AHDC1: variants seen among roughly 807,000 people sequenced by gnomAD.
AHDC1 encodes the protein AT-hook DNA binding motif containing 1, also known as transcription factor Gibbin.
Under a neutral mutation model 87.9 loss-of-function variants are expected in AHDC1, and 7 were observed. That is an observed-to-expected ratio of 0.08 (90% confidence interval 0.05 to 0.15). The LOEUF (loss-of-function observed/expected upper bound fraction) is 0.15. Among genes scored for constraint, AHDC1 ranks in the 10% least tolerant of loss-of-function variants. AHDC1 has a pLI of 1.00. For missense variants in AHDC1, 1,841 were observed against 2,253.2 expected (o/e 0.82, Z 3.70); for synonymous variants, 1,051 against 1,006.8 (o/e 1.04, Z -0.83).
intron 3 of AHDC1, among the ~76,000 whole-genome samples, chr1:27,577,177 G>A (rs1046592733): frequency 1.3e-5 from 2 of 152,184 alleles, no homozygotes; most frequent in Non-Finnish European, 1.5e-5. Context: ...GAAGGGATGG[G>A]AGGACACAGT....
intron 8 of AHDC1, among the ~76,000 whole-genome samples, chr1:27,538,828 A>G (rs554296304): frequency 2.8e-4 from 43 of 152,128 alleles, no homozygotes; most frequent in African/African-American, 8.7e-4. Flanking sequence ...TTTCTATTCT[A>G]TAAAATAAGG....
chr1:27,576,365 G>A (rs763432327), intron 3 of AHDC1, among the ~76,000 whole-genome samples: 28 of 152,176 alleles, frequency 1.8e-4, no homozygotes, highest in Non-Finnish European at 1.6e-4. Context: ...CAGGGAAAGC[G>A]TCCGGACATC....
chr1:27,550,759 G>A lies in AHDC1; in HGVS notation c.1357C>T (p.Pro453Ser). Residue 453 changes from proline (P) to serine (S), a missense_variant, in exon 8 of 9, where the codon CCG (proline) becomes TCG (serine). Pro to Ser is a moderately conservative substitution (Grantham distance 74). Coordinates refer to ENST00000673934, the MANE Select transcript of AHDC1 (RefSeq NM_001371928.1). ...PGPVSVPELK[P>S]ESSQTPVVST... is the part of the protein sequence containing the mutation. Reference sequence around the variant, plus strand: ...ACCACTGGGGTCTGGGAAGATTCCGGCTTCAACTCTGGGACTGAGACCGGG... The same window carrying A: ...ACCACTGGGGTCTGGGAAGATTCCGACTTCAACTCTGGGACTGAGACCGGG... 6.3e-7 allele frequency: 1 copy of A among 1,576,766 alleles called. No homozygotes were observed. Among genetic ancestry groups the A allele is most frequent in the Non-Finnish European group, 8.6e-7 (1 of 1,161,876 alleles).
chr1:27,563,563 ACCAGCCTGGGTGGTG>A lies in AHDC1; in HGVS notation c.-628-4695_-628-4681del, dbSNP rs2020193875. ...ACCTCACCCCTCCCCCATCACTGTC[ACCAGCCTGGGTGGTG>A]CCGTCCCTCTGCCTGCAGAGGCGTC... is the stretch of plus-strand genomic sequence containing the variant. On this transcript the variant is annotated intron_variant, in intron 3 of 8. Transcript: ENST00000673934. This position sits in a 1 kb window ranked among gnomAD's most constrained non-coding sequence, Gnocchi z 6.1. Among the ~76,000 whole-genome samples, 1 of 151,888 alleles carries A rather than the reference ACCAGCCTGGGTGGTG, an allele frequency of 6.6e-6. No homozygotes were observed. The highest frequency in any genetic ancestry group is 6.6e-5 in the Admixed American group (1 of 15,262).
chr1:27,542,933 AG>A (rs1430142277), intron 8 of AHDC1, among the ~76,000 whole-genome samples: 1 of 152,234 alleles, frequency 6.6e-6, no homozygotes, highest in Non-Finnish European at 1.5e-5. Flanking sequence ...TGTGCCCAGA[AG>A]AGTCAGGGCA....
At position 27,550,155 on chromosome 1, in the gene AHDC1, C is replaced by T. The variant is rs1465960611; in HGVS notation, c.1961G>A (p.Ser654Asn). The T allele has an allele frequency of 6.2e-7, 1 of 1,611,180 alleles. No homozygotes were observed. The highest frequency in any genetic ancestry group is 1.7e-5 in the Admixed American group (1 of 60,016). ...CACACGATGCAGGAAGTGGGAGATG[C>T]TCTGGGTGTCGGGGGCCTGGTGCAC... ...ESVHQAPDTQ[S>N]ISHFLHRVQG... The change falls in exon 8 of 9, where the codon AGC (serine) becomes AAC (asparagine). Residue 654 changes from serine to asparagine, a missense_variant. Physicochemically the swap from Ser to Asn is conservative, Grantham distance 46. Coordinates refer to ENST00000673934, the MANE Select transcript of AHDC1 (RefSeq NM_001371928.1).
In AHDC1 at chr1:27,590,904, T is replaced by C. The variant is rs2089203924; in HGVS notation, c.-629+12493A>G. On this transcript the variant is annotated intron_variant, in intron 3 of 8. Coordinates refer to ENST00000673934, the MANE Select transcript of AHDC1 (RefSeq NM_001371928.1). The surrounding 1 kb of genome is among the most constrained non-coding windows in gnomAD (Gnocchi z 5.4). ...GTGGGCTCCCTCAACCCCCAGCACC[T>C]TGGATGAGCAGTTGGAGAGCAGGTT... 6.6e-6 allele frequency among the ~76,000 whole-genome samples: 1 copy of C among 152,144 alleles called. No individual in the cohort carries two copies. Among genetic ancestry groups the C allele is most frequent in the Non-Finnish European group, 1.5e-5 (1 of 68,002 alleles).
At chr1:27,584,560 C>G (rs2088993666) in intron 3 of AHDC1, among the ~76,000 whole-genome samples, 1 of 152,152 alleles carries the variant, frequency 6.6e-6, no homozygotes, top group Non-Finnish European at 1.5e-5. Context: ...TTGACCACAC[C>G]TATCAGCCTT....
chr1:27,590,912 G>T lies in AHDC1; in HGVS notation c.-629+12485C>A, dbSNP rs1437916805. On this transcript the variant is annotated intron_variant, in intron 3 of 8. Transcript: ENST00000673934. This position sits in a 1 kb window ranked among gnomAD's most constrained non-coding sequence, Gnocchi z 5.4. ...CCTCAACCCCCAGCACCTTGGATGA[G>T]CAGTTGGAGAGCAGGTTTGCTAAGA... Among the ~76,000 whole-genome samples, 1 of 152,198 alleles carries T rather than the reference G, an allele frequency of 6.6e-6. No individual in the cohort carries two copies. Among genetic ancestry groups the T allele is most frequent in the African/African-American group, 2.4e-5 (1 of 41,446 alleles).
chr1:27,575,737 C>T (rs1271501575), intron 3 of AHDC1, among the ~76,000 whole-genome samples: 1 of 151,778 alleles, frequency 6.6e-6, no homozygotes, highest in Non-Finnish European at 1.5e-5. Context: ...GGGGCCAAGC[C>T]GGCCGCCCCT....
intron 5 of AHDC1, among the ~76,000 whole-genome samples, chr1:27,557,605 A>C (rs1257217204): frequency 6.6e-6 from 1 of 152,196 alleles, no homozygotes; most frequent in African/African-American, 2.4e-5. Context: ...CTGTGCACCC[A>C]GAACCCTGAG....
intron 3 of AHDC1, among the ~76,000 whole-genome samples, chr1:27,601,710 C>G (rs1349545094): frequency 6.6e-6 from 1 of 152,192 alleles, no homozygotes; most frequent in African/African-American, 2.4e-5. Flanking sequence ...GCCTTCCTAC[C>G]CCCCCACCCC....
At chr1:27,591,485 T>G (rs2089220879) in intron 3 of AHDC1, among the ~76,000 whole-genome samples, 1 of 152,160 alleles carries the variant, frequency 6.6e-6, no homozygotes, top group Non-Finnish European at 1.5e-5. Context: ...CTCACCCCCC[T>G]TAGCATTAGG....
intron 3 of AHDC1, among the ~76,000 whole-genome samples, chr1:27,600,484 T>C (rs1161646759): frequency 6.7e-6 from 1 of 148,204 alleles, no homozygotes; most frequent in Non-Finnish European, 1.5e-5. Flanking sequence ...ACAAAAAAAA[T>C]TGAAATTGAC....
intron 8 of AHDC1, among the ~76,000 whole-genome samples, chr1:27,535,183 G>C (rs1464806288): frequency 6.6e-6 from 1 of 152,170 alleles, no homozygotes; most frequent in Non-Finnish European, 1.5e-5. Flanking sequence ...CCAGGCAGTG[G>C]AATTTGTTAA....
Position 27,562,662 on chromosome 1 carries a change from C to G in AHDC1, c.-628-3779G>C, listed in dbSNP as rs990634826. Among the ~76,000 whole-genome samples, 1 of 152,182 alleles carries G rather than the reference C, an allele frequency of 6.6e-6. No individual in the cohort carries two copies. The highest frequency in any genetic ancestry group is 1.5e-5 in the Non-Finnish European group (1 of 68,034). ...TGAGCACCCCCCAGCTCCCACTTGT[C>G]CCTCTGCTCAGGGCCCTAAGCATTT... On this transcript the variant is annotated intron_variant, in intron 3 of 8. Transcript: ENST00000673934. The surrounding 1 kb of genome is among the most constrained non-coding windows in gnomAD (Gnocchi z 4.4).
chr1:27,594,762 G>A (rs954817490), intron 3 of AHDC1, among the ~76,000 whole-genome samples: 3 of 152,168 alleles, frequency 2.0e-5, no homozygotes, highest in East Asian at 1.9e-4. Context: ...ACAAGGTGGG[G>A]GAGAGGGTGT....
intron 8 of AHDC1, among the ~76,000 whole-genome samples, chr1:27,536,868 C>G (rs1299025715): frequency 6.6e-6 from 1 of 151,918 alleles, no homozygotes; most frequent in Non-Finnish European, 1.5e-5. Flanking sequence ...CCACCCCCAC[C>G]CCAGGCCCTT....
rs568842899 is a variant in AHDC1 at position 27,581,819 on chromosome 1, C to T, written c.-629+21578G>A. On this transcript the variant is annotated intron_variant, in intron 3 of 8. Coordinates refer to ENST00000673934, the MANE Select transcript of AHDC1 (RefSeq NM_001371928.1). The stretch of plus-strand genomic sequence containing the variant: ...CCTGACATTCAGGGGCCTTCAGAGC[C>T]AGCTTTGGCCCCACCAACCTCCTGG... Among the ~76,000 whole-genome samples the T allele has an allele frequency of 2.0e-5, 3 of 152,340 alleles. No individual in the cohort carries two copies. The South Asian group carries it at 6.2e-4, about 32-fold the overall frequency.
Sources: gnomAD v4.1 joint callset for allele counts (sites outside exome capture counted in the v4.1 genomes callset) on GRCh38, gnomAD v4.1.1 for gene constraint, Gnocchi (gnomAD v3.1) non-coding constraint, MANE v1.5 for transcripts, NCBI Gene and HGNC (gene_info 2026-07-23, HGNC 2026-07-21) for gene names.